TSPAN5: variants seen among roughly 807,000 people sequenced by gnomAD.
TSPAN5 encodes tetraspanin-5.
In TSPAN5, 10 loss-of-function variants were observed where a neutral mutation model predicts 37.1. The ratio of observed to expected loss-of-function variants is 0.27; its 90% CI spans 0.17 to 0.46. TSPAN5 has a LOEUF of 0.46. Among genes scored for constraint, TSPAN5 ranks in the 20% least tolerant of loss-of-function variants. The pLI, the probability that TSPAN5 is intolerant of heterozygous loss-of-function variation, is 1.00. For missense variants in TSPAN5, 195 were observed against 326.6 expected (o/e 0.60, Z 3.11); for synonymous variants, 110 against 118.9 (o/e 0.93, Z 0.48).
At chr4:98,651,334 A>G (rs534806760) in intron 1 of TSPAN5, among the ~76,000 whole-genome samples, 1 of 152,388 alleles carries the variant, frequency 6.6e-6, no homozygotes, top group South Asian at 2.1e-4. Context: ...AAGGACTGAA[A>G]GAGACTAAAA....
intron 1 of TSPAN5, among the ~76,000 whole-genome samples, chr4:98,576,339 T>C (rs1340563895): frequency 6.6e-6 from 1 of 152,192 alleles, no homozygotes; most frequent in Admixed American, 6.5e-5. Context: ...ACCACAAATA[T>C]TGCCTTTTTC....
intron 1 of TSPAN5, among the ~76,000 whole-genome samples, chr4:98,572,351 T>C (rs1755144872): frequency 6.6e-6 from 1 of 152,200 alleles, no homozygotes; most frequent in South Asian, 2.1e-4. Flanking sequence ...GAACAAAGCC[T>C]GGACAGTGAC....
At chr4:98,558,633 A>G (rs1188014350) in intron 1 of TSPAN5, among the ~76,000 whole-genome samples, 1 of 152,128 alleles carries the variant, frequency 6.6e-6, no homozygotes, top group African/African-American at 2.4e-5. Context: ...GCTTTCTATT[A>G]TCTCAGCACT....
intron 1 of TSPAN5, among the ~76,000 whole-genome samples, chr4:98,646,661 T>C (rs1220170546): frequency 6.6e-6 from 1 of 152,232 alleles, no homozygotes; most frequent in African/African-American, 2.4e-5. Flanking sequence ...TGCCACTCAT[T>C]ACAATGAAAA....
intron 1 of TSPAN5, among the ~76,000 whole-genome samples, chr4:98,547,547 G>GCAT (rs1357697737): frequency 6.6e-6 from 1 of 152,100 alleles, no homozygotes; most frequent in East Asian, 1.9e-4. Context: ...CTCCTAAGTG[G>GCAT]CATCACTCTT....
chr4:98,582,377 C>T (rs924688397), intron 1 of TSPAN5, among the ~76,000 whole-genome samples: 5 of 152,160 alleles, frequency 3.3e-5, no homozygotes, highest in African/African-American at 1.2e-4. Context: ...GCCTTAACCA[C>T]TCAAACTGAG....
intron 1 of TSPAN5, among the ~76,000 whole-genome samples, chr4:98,547,606 T>A (rs1039486403): frequency 6.6e-6 from 1 of 152,194 alleles, no homozygotes; most frequent in African/African-American, 2.4e-5. Context: ...AGTTCAGAAC[T>A]ATTTTCTGTC....
intron 1 of TSPAN5, among the ~76,000 whole-genome samples, chr4:98,575,560 T>C (rs1226647421): frequency 1.3e-5 from 2 of 152,086 alleles, no homozygotes. Flanking sequence ...GGTTATTTAC[T>C]GGGTAATTTC....
chr4:98,561,331 C>T (rs1754878836), intron 1 of TSPAN5, among the ~76,000 whole-genome samples: 1 of 152,234 alleles, frequency 6.6e-6, no homozygotes, highest in South Asian at 2.1e-4. Context: ...GGGCGGATCA[C>T]CTGAGGTCGG....
chr4:98,645,307 C>T (rs1757041559), intron 1 of TSPAN5, among the ~76,000 whole-genome samples: 1 of 152,146 alleles, frequency 6.6e-6, no homozygotes, highest in African/African-American at 2.4e-5. Context: ...TCATTATATG[C>T]ATTTGAATAG....
At chr4:98,626,169 G>C (rs1438164558) in intron 1 of TSPAN5, among the ~76,000 whole-genome samples, 2 of 152,086 alleles carry the variant, frequency 1.3e-5, no homozygotes, top group African/African-American at 2.4e-5. Context: ...CTCACGAACA[G>C]CCCAGGTACA....
intron 1 of TSPAN5, 48 bp downstream of exon 1, chr4:98,658,098 G>A (rs1757329326): frequency 1.3e-6 from 2 of 1,525,414 alleles, no homozygotes; most frequent in East Asian, 4.5e-5. Context: ...AAATCGTCGC[G>A]AATCGATCGG....
chr4:98,644,319 T>C (rs1357421425), intron 1 of TSPAN5, among the ~76,000 whole-genome samples: 1 of 152,192 alleles, frequency 6.6e-6, no homozygotes, highest in Non-Finnish European at 1.5e-5. Flanking sequence ...CAAGGCCTCA[T>C]AGGGAAATAC....
intron 2 of TSPAN5, among the ~76,000 whole-genome samples, chr4:98,505,394 T>C (rs1753454844): frequency 6.6e-6 from 1 of 152,164 alleles, no homozygotes; most frequent in Non-Finnish European, 1.5e-5. Flanking sequence ...CTACTGGCCT[T>C]CTTGTTGTTC....
chr4:98,533,543 CTTTTTTTT>C lies in TSPAN5; in HGVS notation c.82-25823_82-25816del, dbSNP rs576852948. On this transcript the variant is annotated intron_variant, in intron 1 of 7. Coordinates refer to ENST00000305798, the MANE Select transcript of TSPAN5 (RefSeq NM_005723.4). Reference sequence around the variant, plus strand: ...GGATTGGTGGTGATATCCCCTATATCTTTTTTTTTTTTTTTTTTTTTTCTTGAGACAGA... The same window carrying C: ...GGATTGGTGGTGATATCCCCTATATCTTTTTTTTTTTTTTCTTGAGACAGA... Among the ~76,000 whole-genome samples the C allele has an allele frequency of 4.0e-3, 237 of 58,592 alleles. 14 individuals carry two copies. In the East Asian group the frequency reaches 0.071, roughly 17 times the overall value. The allele number at this position is 58,592 out of a possible 152,430, so 38.4% of individuals were successfully genotyped here. A position where few individuals can be genotyped will look rare whatever the true frequency, so the allele number is the denominator to read the frequency against.
At chr4:98,521,689 C>T (rs1355494803) in intron 1 of TSPAN5, among the ~76,000 whole-genome samples, 1 of 152,246 alleles carries the variant, frequency 6.6e-6, no homozygotes, top group Non-Finnish European at 1.5e-5. Flanking sequence ...AGCCCCCTGG[C>T]TTGCTTCAGC....
chr4:98,474,696 C>A (rs1377365689), intron 7 of TSPAN5, among the ~76,000 whole-genome samples: 1 of 150,624 alleles, frequency 6.6e-6, no homozygotes, highest in Non-Finnish European at 1.5e-5. Context: ...TTTTTTGAGA[C>A]AAGGTCTTGC....
intron 1 of TSPAN5, among the ~76,000 whole-genome samples, chr4:98,513,164 C>T (rs1753647960): frequency 6.6e-6 from 1 of 152,168 alleles, no homozygotes; most frequent in Admixed American, 6.5e-5. Flanking sequence ...AAGGCAATTG[C>T]TGTGGCTGGT....
intron 3 of TSPAN5, chr4:98,484,439 G>T (rs1359331118): frequency 2.2e-6 from 1 of 455,980 alleles, no homozygotes; most frequent in Non-Finnish European, 4.4e-6. Context: ...TTTATTGTTT[G>T]TCCTAAATGG....
Sources: gnomAD v4.1 joint callset for allele counts (sites outside exome capture counted in the v4.1 genomes callset) on GRCh38, gnomAD v4.1.1 for gene constraint, MANE v1.5 for transcripts, NCBI Gene and HGNC (gene_info 2026-07-23, HGNC 2026-07-21) for gene names.